SNX29: variants seen among roughly 807,000 people sequenced by gnomAD.
SNX29 encodes sorting nexin 29.
Under a neutral mutation model 102.1 loss-of-function variants are expected in SNX29, and 78 were observed. That is an observed-to-expected ratio of 0.76 (90% CI 0.64 to 0.92). The LOEUF is 0.92. SNX29 is among the 40% of genes least tolerant of loss of function. The probability of loss-of-function intolerance (pLI) is 0.00; values close to 1 mark genes in which losing one functional copy is unlikely to be tolerated. For synonymous variants in SNX29, 580 were observed against 414.5 expected (o/e 1.40, Z -4.85); for missense variants, 1,280 against 1,061.7 (o/e 1.21, Z -2.86).
At chr16:12,131,881 C>G (rs1432299920) in intron 13 of SNX29, among the ~76,000 whole-genome samples, 1 of 152,176 alleles carries the variant, frequency 6.6e-6, no homozygotes, top group African/African-American at 2.4e-5. Flanking sequence ...CCTTTCGTCA[C>G]ATTTTAAAAT....
intron 14 of SNX29, among the ~76,000 whole-genome samples, chr16:12,261,485 C>T (rs1394845108): frequency 1.9e-4 from 26 of 139,872 alleles, no homozygotes; most frequent in Middle Eastern, 4.2e-3. Flanking sequence ...TCTGTGTGCG[C>T]GCCCCCGGCT....
At chr16:12,420,253 A>G (rs1033886116) in intron 18 of SNX29, among the ~76,000 whole-genome samples, 32 of 152,236 alleles carry the variant, frequency 2.1e-4, no homozygotes, top group Non-Finnish European at 1.5e-5. Context: ...TGATGAATAG[A>G]CAACTGAAAT....
intron 1 of SNX29, among the ~76,000 whole-genome samples, chr16:11,988,239 A>T (rs1346243820): frequency 6.6e-6 from 1 of 150,712 alleles, no homozygotes; most frequent in African/African-American, 2.4e-5. Flanking sequence ...GATTGCAGTG[A>T]GCCAAGATCA....
intron 9 of SNX29, among the ~76,000 whole-genome samples, chr16:12,063,366 C>G (rs1192371056): frequency 1.8e-5 from 1 of 55,336 alleles, no homozygotes; most frequent in Non-Finnish European, 3.3e-5. Context: ...CCTAGTCCAT[C>G]TTTTTTTTTT....
intron 10 of SNX29, among the ~76,000 whole-genome samples, chr16:12,077,198 G>A (rs1054859265): frequency 6.6e-6 from 1 of 151,942 alleles, no homozygotes; most frequent in African/African-American, 2.4e-5. Flanking sequence ...AAGATCACTT[G>A]AACCCAGGAG....
chr16:12,552,253 A>C (rs1466088359), intron 20 of SNX29, among the ~76,000 whole-genome samples: 1 of 110,378 alleles, frequency 9.1e-6, no homozygotes, highest in Non-Finnish European at 2.2e-5. Flanking sequence ...TTTGCCTCCT[A>C]GGGGCTCGTA....
chr16:12,365,060 C>T (rs2082421111), intron 16 of SNX29, among the ~76,000 whole-genome samples: 1 of 152,144 alleles, frequency 6.6e-6, no homozygotes, highest in African/African-American at 2.4e-5. Flanking sequence ...GGTTTTGTGA[C>T]TCACCCAAAG....
At chr16:12,554,692 C>G (rs1045626262) in intron 20 of SNX29, among the ~76,000 whole-genome samples, 2 of 152,148 alleles carry the variant, frequency 1.3e-5, no homozygotes, top group Admixed American at 6.5e-5. Context: ...TCTCAGCATC[C>G]CTGCCCATGC....
At chr16:12,199,527 A>C (rs2076860996) in intron 13 of SNX29, 74 bp from the exon 14 acceptor site, 1 of 1,318,048 alleles carries the variant, frequency 7.6e-7, no homozygotes, top group Admixed American at 2.1e-5. Context: ...TTCACCACCC[A>C]CCCCTGCCCC....
In SNX29 at chr16:12,155,283, T is replaced by G. The variant is rs140027076; in HGVS notation, c.1595+25525T>G. Among the ~76,000 whole-genome samples, 35 of 152,356 alleles carry G rather than the reference T, an allele frequency of 2.3e-4. 1 individual carries two copies. The East Asian group carries it at 5.8e-3, about 25-fold the overall frequency. ...ATGCAGCTGAGTGTGCTCAGGTATA[T>G]TCTATGTATTAAGCTGATAGAAAAA... On this transcript the variant is annotated intron_variant, in intron 13 of 20. Coordinates refer to ENST00000566228, the MANE Select transcript of SNX29 (RefSeq NM_032167.5).
chr16:12,380,642 T>C (rs1252585794), intron 16 of SNX29, among the ~76,000 whole-genome samples: 96 of 29,776 alleles, frequency 3.2e-3, no homozygotes, highest in East Asian at 4.1e-3. Flanking sequence ...CATCCATCCA[T>C]CCACCCACCA....
At chr16:12,421,503 C>G (rs543507373) in intron 18 of SNX29, among the ~76,000 whole-genome samples, 2 of 152,312 alleles carry the variant, frequency 1.3e-5, no homozygotes, top group East Asian at 3.9e-4. Context: ...TTTCCCTTAA[C>G]ACATATAGGG....
chr16:12,141,293 T>A (rs2054859882), intron 13 of SNX29, among the ~76,000 whole-genome samples: 1 of 152,208 alleles, frequency 6.6e-6, no homozygotes, highest in African/African-American at 2.4e-5. Flanking sequence ...ATCTTGGTTG[T>A]GTGGTACTGC....
At chr16:12,328,910 C>G (rs941129248) in intron 15 of SNX29, among the ~76,000 whole-genome samples, 1 of 152,152 alleles carries the variant, frequency 6.6e-6, no homozygotes, top group East Asian at 1.9e-4. Context: ...GACACTGTCT[C>G]CCTGGTTCCC....
intron 11 of SNX29, among the ~76,000 whole-genome samples, chr16:12,120,527 T>TC (rs1484766902): frequency 1.3e-5 from 2 of 151,954 alleles, no homozygotes; most frequent in Non-Finnish European, 2.9e-5. Flanking sequence ...TCAGGATAAT[T>TC]CCCCCCCTGG....
At chr16:12,491,529 A>AT (rs747237650) in intron 19 of SNX29, among the ~76,000 whole-genome samples, 139 of 150,934 alleles carry the variant, frequency 9.2e-4, no homozygotes, top group Non-Finnish European at 1.8e-3. Context: ...TATGTGACTT[A>AT]TTTTTTTTTA....
At chr16:12,162,749 G>T (rs141426195) in intron 13 of SNX29, among the ~76,000 whole-genome samples, 7 of 152,214 alleles carry the variant, frequency 4.6e-5, no homozygotes, top group Non-Finnish European at 1.0e-4. Context: ...GGCCTGGCTC[G>T]TAGGAGGTGC....
At chr16:12,395,507 C>T (rs557523315) in intron 16 of SNX29, among the ~76,000 whole-genome samples, 41 of 152,338 alleles carry the variant, frequency 2.7e-4, no homozygotes, top group South Asian at 1.9e-3. Flanking sequence ...GCTCTAGTAA[C>T]GGGCTTTGCC....
At chr16:12,359,389 A>G (rs2082236651) in intron 16 of SNX29, among the ~76,000 whole-genome samples, 1 of 152,222 alleles carries the variant, frequency 6.6e-6, no homozygotes, top group Non-Finnish European at 1.5e-5. Flanking sequence ...CTGACCACAG[A>G]TGAGGTTGCC....
Sources: gnomAD v4.1 joint callset for allele counts (sites outside exome capture counted in the v4.1 genomes callset) on GRCh38, gnomAD v4.1.1 for gene constraint, MANE v1.5 for transcripts, NCBI Gene and HGNC (gene_info 2026-07-23, HGNC 2026-07-21) for gene names.